CSMD3: variants seen among roughly 807,000 people sequenced by gnomAD.
CSMD3 encodes CUB and Sushi multiple domains 3, also known as CUB and sushi domain-containing protein 3.
A neutral mutation model predicts 435.2 loss-of-function variants in CSMD3; 177 were observed. The observed-to-expected ratio is 0.41, with a 90% CI of 0.36 to 0.46. The LOEUF is 0.46. Among genes scored for constraint, CSMD3 ranks in the 20% least tolerant of loss-of-function variants. CSMD3 has a pLI of 0.34. For synonymous variants in CSMD3, 1,656 were observed against 1,520.5 expected (o/e 1.09, Z -2.07); for missense variants, 4,265 against 4,504.6 (o/e 0.95, Z 1.52).
At chr8:112,566,408 A>G (rs927797562) in intron 24 of CSMD3, among the ~76,000 whole-genome samples, 2 of 152,100 alleles carry the variant, frequency 1.3e-5, no homozygotes, top group Non-Finnish European at 2.9e-5. Context: ...TATATTGAAC[A>G]TTATGATAAT....
intron 12 of CSMD3, among the ~76,000 whole-genome samples, chr8:112,826,330 C>A (rs921036877): frequency 8.5e-5 from 13 of 152,146 alleles, no homozygotes; most frequent in Non-Finnish European, 1.9e-4. Flanking sequence ...ACTTAGACAA[C>A]AGGCAGCCAC....
At chr8:112,476,390 A>G (rs1819055445) in intron 31 of CSMD3, among the ~76,000 whole-genome samples, 1 of 152,186 alleles carries the variant, frequency 6.6e-6, no homozygotes, top group Non-Finnish European at 1.5e-5. Flanking sequence ...ATTTGAATTT[A>G]AGAAGACATG....
At chr8:112,510,385 C>T (rs1822985120) in intron 28 of CSMD3, among the ~76,000 whole-genome samples, 1 of 152,196 alleles carries the variant, frequency 6.6e-6, no homozygotes, top group Non-Finnish European at 1.5e-5. Flanking sequence ...ATAAATTATA[C>T]TCAAATATTA....
At chr8:112,739,373 T>C (rs1195144920) in intron 13 of CSMD3, among the ~76,000 whole-genome samples, 1 of 151,810 alleles carries the variant, frequency 6.6e-6, no homozygotes, top group Admixed American at 6.6e-5. Context: ...CATGGATGAA[T>C]AGTGGCTGAC....
At position 112,754,536 on chromosome 8, in the gene CSMD3, T is replaced by G. The variant is rs925994271; in HGVS notation, c.1972+45626A>C. ...AGGGTTCTAACAGGAAAACAGAAACTTTTGTCATTTAGGCAACAAGGATTA... is the reference window on the plus strand; with the variant it reads ...AGGGTTCTAACAGGAAAACAGAAACGTTTGTCATTTAGGCAACAAGGATTA... On this transcript the variant is annotated intron_variant, in intron 13 of 70. Transcript: ENST00000297405. Among the ~76,000 whole-genome samples the G allele has an allele frequency of 3.9e-5, 6 of 152,104 alleles. No individual in the cohort carries two copies. In the East Asian group the frequency reaches 9.6e-4, roughly 24 times the overall value.
intron 42 of CSMD3, among the ~76,000 whole-genome samples, chr8:112,339,110 T>G (rs1420372568): frequency 3.9e-5 from 6 of 151,992 alleles, no homozygotes; most frequent in Admixed American, 3.3e-4. Flanking sequence ...CAACTCCATC[T>G]GCAAACCCCT....
At chr8:112,641,673 C>CA (rs2074832307) in intron 20 of CSMD3, among the ~76,000 whole-genome samples, 1 of 151,684 alleles carries the variant, frequency 6.6e-6, no homozygotes, top group African/African-American at 2.4e-5. Flanking sequence ...CCCAACTCTA[C>CA]AAAAAAATAC....
At chr8:112,458,317 C>A (rs1250335566) in intron 32 of CSMD3, among the ~76,000 whole-genome samples, 1 of 132,530 alleles carries the variant, frequency 7.5e-6, no homozygotes, top group Non-Finnish European at 1.7e-5. Flanking sequence ...TTTTTTAAAC[C>A]CCATGTTTCC....
At chr8:113,067,230 C>G (rs1202558410) in intron 5 of CSMD3, among the ~76,000 whole-genome samples, 1 of 152,104 alleles carries the variant, frequency 6.6e-6, no homozygotes, top group African/African-American at 2.4e-5. Context: ...TGTCCAGTCT[C>G]AGTTCTTTAT....
chr8:112,741,490 ACTGGAACCCTTGTACATTTTGAT>A, intron 13 of CSMD3, among the ~76,000 whole-genome samples: 1 of 151,992 alleles, frequency 6.6e-6, no homozygotes, highest in African/African-American at 2.4e-5. Flanking sequence ...ACATGAAGAA[ACTGGAACCCTTGTACATTTTGAT>A]AGAAATGTGA....
intron 20 of CSMD3, among the ~76,000 whole-genome samples, chr8:112,642,315 A>G (rs2074853461): frequency 6.6e-6 from 1 of 152,090 alleles, no homozygotes; most frequent in South Asian, 2.1e-4. Context: ...GTAACTATTT[A>G]TAATTAGCAT....
In CSMD3 at chr8:113,289,395, C is replaced by T. The variant is rs114122545; in HGVS notation, c.402-10691G>A. On this transcript the variant is annotated intron_variant, in intron 2 of 70. Coordinates refer to ENST00000297405, the MANE Select transcript of CSMD3 (RefSeq NM_198123.2). ...TCTACTAGGTTGTTTATTTTTTCTG[C>T]TAAGTTTATCATTGCTATGACTTTT... is the stretch of plus-strand genomic sequence containing the variant. Among the ~76,000 whole-genome samples, 735 of 150,868 alleles carry T rather than the reference C, an allele frequency of 4.9e-3. 4 individuals are homozygous for T. The highest frequency in any genetic ancestry group is 0.017 in the African/African-American group (690 of 41,352).
At chr8:112,953,959 T>C (rs2083916929) in intron 8 of CSMD3, among the ~76,000 whole-genome samples, 1 of 151,556 alleles carries the variant, frequency 6.6e-6, no homozygotes, top group African/African-American at 2.4e-5. Context: ...TCAAAGTTTC[T>C]AATATGCAAC....
chr8:112,912,489 C>G (rs1175571859), intron 10 of CSMD3, among the ~76,000 whole-genome samples: 5 of 151,654 alleles, frequency 3.3e-5, no homozygotes, highest in African/African-American at 1.2e-4. Flanking sequence ...ATTAATGGTA[C>G]TGGGAAAACT....
At chr8:112,915,535 C>A (rs2130574502) in intron 10 of CSMD3, among the ~76,000 whole-genome samples, 1 of 151,876 alleles carries the variant, frequency 6.6e-6, no homozygotes, top group East Asian at 1.9e-4. Context: ...TCAACAATGA[C>A]ATTATAATCA....
intron 10 of CSMD3, among the ~76,000 whole-genome samples, chr8:112,908,255 A>G (rs1047431134): frequency 4.6e-5 from 7 of 151,514 alleles, no homozygotes; most frequent in African/African-American, 1.4e-4. Context: ...TTAATATTCA[A>G]TCTGGGTCAT....
At chr8:113,258,700 C>T (rs1230111472) in intron 3 of CSMD3, among the ~76,000 whole-genome samples, 4 of 152,106 alleles carry the variant, frequency 2.6e-5, no homozygotes, top group South Asian at 4.2e-4. Flanking sequence ...AAAGGCTTAA[C>T]GGAGCAGAGG....
intron 1 of CSMD3, among the ~76,000 whole-genome samples, chr8:113,416,029 A>C (rs887501334): frequency 6.6e-6 from 1 of 152,118 alleles, no homozygotes; most frequent in Non-Finnish European, 1.5e-5. Context: ...GATTTTAAAA[A>C]TTAAAATGTA....
In CSMD3 at chr8:112,255,382, T is replaced by C. The variant is rs1389913689; in HGVS notation, c.9908A>G (p.Glu3303Gly). The C allele has an allele frequency of 6.2e-7, 1 of 1,613,744 alleles. No homozygotes were observed. Among genetic ancestry groups the C allele is most frequent in the Admixed American group, 1.7e-5 (1 of 59,966 alleles). The change falls in exon 62 of 71, where the codon GAA becomes GGA. Residue 3303 changes from glutamate (E) to glycine (G), a missense_variant. Physicochemically the swap from Glu to Gly is moderately conservative, Grantham distance 98 (BLOSUM62 -2). Coordinates refer to ENST00000297405, the MANE Select transcript of CSMD3 (RefSeq NM_198123.2). ...DPGIPAQGKR[E>G]GKSFIYQSEV... The stretch of plus-strand genomic sequence containing the variant: ...TGACTGGTATATAAAGCTTTTGCCT[T>C]CTCTTTTTCCTTGGGCAGGTATACC...
Sources: gnomAD v4.1 joint callset for allele counts (sites outside exome capture counted in the v4.1 genomes callset) on GRCh38, gnomAD v4.1.1 for gene constraint, MANE v1.5 for transcripts, NCBI Gene and HGNC (gene_info 2026-07-23, HGNC 2026-07-21) for gene names.